The following HSD11B1 variants were observed in gnomAD, a reference collection of about 807,000 sequenced individuals.
HSD11B1 encodes the protein hydroxysteroid 11-beta dehydrogenase 1, also known as 11-beta-hydroxysteroid dehydrogenase 1.
In HSD11B1, 15 loss-of-function variants were observed where a neutral mutation model predicts 22.1. That is an observed-to-expected ratio of 0.68 (90% CI 0.45 to 1.04). The LOEUF (loss-of-function observed/expected upper bound fraction) is 1.04, where lower values mean the gene tolerates loss of function less well. Among genes scored for constraint, HSD11B1 ranks in the 50% least tolerant of loss-of-function variants. The pLI, the probability that HSD11B1 is intolerant of heterozygous loss-of-function variation, is 0.00. For missense variants in HSD11B1, 281 were observed against 357.6 expected (o/e 0.79, Z 1.73); for synonymous variants, 122 against 125.2 (o/e 0.97, Z 0.17).
chr1:209,700,447 G>A (rs759430255), upstream of HSD11B1, among the ~76,000 whole-genome samples: 1 of 152,174 alleles, frequency 6.6e-6, no homozygotes, highest in South Asian at 2.1e-4. Flanking sequence ...TGGGACACAG[G>A]GCACCAAGTC....
At chr1:209,707,487 T>C (rs1360296084) in intron 4 of HSD11B1, among the ~76,000 whole-genome samples, 1 of 152,024 alleles carries the variant, frequency 6.6e-6, no homozygotes, top group African/African-American at 2.4e-5. Context: ...CTCATATGCA[T>C]GAATGGGCAG....
upstream of HSD11B1, among the ~76,000 whole-genome samples, chr1:209,700,620 G>A (rs752434687): frequency 1.3e-5 from 2 of 152,176 alleles, no homozygotes; most frequent in Admixed American, 6.5e-5. Context: ...TCCTTGCTAC[G>A]TATGCAAATT....
intron 4 of HSD11B1, among the ~76,000 whole-genome samples, chr1:209,731,790 C>G (rs1174102009): frequency 6.6e-6 from 1 of 152,174 alleles, no homozygotes; most frequent in Non-Finnish European, 1.5e-5. Flanking sequence ...TCTCAGCTCA[C>G]TGCAACTTCC....
chr1:209,715,575 C>T (rs1404332802), intron 4 of HSD11B1, among the ~76,000 whole-genome samples: 1 of 152,136 alleles, frequency 6.6e-6, no homozygotes, highest in African/African-American at 2.4e-5. Context: ...GACACAGAGG[C>T]CAACTTTAAA....
rs369189519 is a variant in HSD11B1, at chr1:209,707,055, G to C, written c.444G>C (p.Val148=). The change falls in exon 4 of 6, where the codon GTG becomes GTC. Residue 148 remains valine, a synonymous_variant. Transcript: ENST00000367027. ...KSMEVNFLSY[V]VLTVAALPML... ...TGGAAGTCAACTTCCTCAGTTACGT[G>C]GTCCTGACTGTAGCTGCCTTGCCCA... 6.2e-7 allele frequency: 1 copy of C among 1,614,002 alleles called. No individual in the cohort carries two copies. The highest frequency in any genetic ancestry group is 8.5e-7 in the Non-Finnish European group (1 of 1,179,924).
At chr1:209,704,356 T>G (rs1366776374), upstream of HSD11B1, among the ~76,000 whole-genome samples, 2 of 152,086 alleles carry the variant, frequency 1.3e-5, no homozygotes, top group Non-Finnish European at 2.9e-5. Context: ...TTATAGAGCT[T>G]CTTTGCTTTC....
intron 1 of HSD11B1, 142 bp from the exon 2 acceptor site, chr1:209,705,669 A>T: frequency 9.8e-7 from 1 of 1,017,440 alleles, no homozygotes; most frequent in Non-Finnish European, 1.5e-6. Context: ...TCCCACAGTG[A>T]TTTACGGAGT....
intron 1 of HSD11B1, among the ~76,000 whole-genome samples, chr1:209,691,649 G>T (rs768500071): frequency 6.6e-6 from 1 of 152,090 alleles, no homozygotes; most frequent in Non-Finnish European, 1.5e-5. Flanking sequence ...ATTCAATGAA[G>T]ACTAGAAGAA....
At chr1:209,726,418 C>T (rs1289699507) in intron 4 of HSD11B1, among the ~76,000 whole-genome samples, 1 of 151,248 alleles carries the variant, frequency 6.6e-6, no homozygotes, top group Non-Finnish European at 1.5e-5. Flanking sequence ...GCCTGTGCAA[C>T]ATAGTAAGAC....
intron 4 of HSD11B1, among the ~76,000 whole-genome samples, chr1:209,724,324 T>C (rs1425195804): frequency 6.6e-6 from 1 of 152,110 alleles, no homozygotes; most frequent in Non-Finnish European, 1.5e-5. Context: ...GTGAGGAAAA[T>C]CCCCCACCCC....
chr1:209,726,409 C>T (rs749213542), intron 4 of HSD11B1, among the ~76,000 whole-genome samples: 1 of 151,748 alleles, frequency 6.6e-6, no homozygotes, highest in East Asian at 1.9e-4. Flanking sequence ...TTTAGGCCAG[C>T]CTGTGCAACA....
chr1:209,718,727 A>T (rs1185722844), intron 4 of HSD11B1, among the ~76,000 whole-genome samples: 1 of 152,174 alleles, frequency 6.6e-6, no homozygotes, highest in African/African-American at 2.4e-5. Flanking sequence ...ATTTCTGGGT[A>T]TATACACAGA....
chr1:209,724,379 A>G (rs1004119876), intron 4 of HSD11B1, among the ~76,000 whole-genome samples: 1 of 152,042 alleles, frequency 6.6e-6, no homozygotes, highest in South Asian at 2.1e-4. Flanking sequence ...TCTTCTCCCT[A>G]ACTCCTATCT....
At chr1:209,704,094 G>A (rs13306419), upstream of HSD11B1, among the ~76,000 whole-genome samples, 8 of 152,130 alleles carry the variant, frequency 5.3e-5, no homozygotes, top group East Asian at 1.4e-3. Context: ...ACATCAGGTC[G>A]CCTCTTCCTA....
chr1:209,720,210 A>C (rs933277161), intron 4 of HSD11B1, among the ~76,000 whole-genome samples: 1 of 152,232 alleles, frequency 6.6e-6, no homozygotes. Flanking sequence ...ACGGCACCTG[A>C]TTCAAATGAT....
chr1:209,725,162 A>T (rs372352632), intron 4 of HSD11B1, among the ~76,000 whole-genome samples: 3 of 152,330 alleles, frequency 2.0e-5, no homozygotes, highest in African/African-American at 7.2e-5. Flanking sequence ...TGGAGATGCG[A>T]TGTAATACCT....
chr1:209,726,221 C>T (rs1170705516), intron 4 of HSD11B1, among the ~76,000 whole-genome samples: 1 of 125,904 alleles, frequency 7.9e-6, no homozygotes, highest in Non-Finnish European at 1.6e-5. Context: ...GCGTAGGTTG[C>T]AGTGAGCCAA....
intron 1 of HSD11B1, among the ~76,000 whole-genome samples, chr1:209,695,237 T>C (rs2076783899): frequency 6.6e-6 from 1 of 152,222 alleles, no homozygotes; most frequent in Non-Finnish European, 1.5e-5. Context: ...TTTTTTTATA[T>C]AAATTACCCA....
intron 4 of HSD11B1, among the ~76,000 whole-genome samples, chr1:209,732,215 C>T (rs2077039926): frequency 6.6e-6 from 1 of 152,166 alleles, no homozygotes; most frequent in Admixed American, 6.5e-5. Context: ...TAAACAGTCC[C>T]TCTTCAATGA....
Sources: gnomAD v4.1 joint callset for allele counts (sites outside exome capture counted in the v4.1 genomes callset) on GRCh38, gnomAD v4.1.1 for gene constraint, MANE v1.5 for transcripts, NCBI Gene and HGNC (gene_info 2026-07-23, HGNC 2026-07-21) for gene names.